The following ABHD12 variants were observed in gnomAD, a reference collection of about 807,000 sequenced individuals.
The protein encoded by ABHD12 is lysophosphatidylserine lipase ABHD12.
ABHD12 carries 43 observed loss-of-function variants against 58.3 expected under a neutral mutation model. That is an observed-to-expected ratio of 0.74 (90% CI 0.58 to 0.95). ABHD12 has a LOEUF of 0.95. ABHD12 is among the 40% of genes least tolerant of loss of function. The pLI is 0.00. For synonymous variants in ABHD12, 219 were observed against 211.2 expected (o/e 1.04, Z -0.32); for missense variants, 539 against 537.2 (o/e 1.00, Z -0.03).
intron 1 of ABHD12, among the ~76,000 whole-genome samples, chr20:25,386,412 C>T (rs1383571668): frequency 6.6e-6 from 1 of 151,146 alleles, no homozygotes; most frequent in East Asian, 2.0e-4. Context: ...GCGCCCGCCA[C>T]CACGCCTGGC....
intron 12 of ABHD12, among the ~76,000 whole-genome samples, chr20:25,301,368 A>G (rs2145914974): frequency 6.6e-6 from 1 of 152,308 alleles, no homozygotes; most frequent in Middle Eastern, 3.4e-3. Context: ...CAGGCCACCA[A>G]TTTCAGTCCC....
intron 1 of ABHD12, among the ~76,000 whole-genome samples, chr20:25,378,544 C>T (rs1269925687): frequency 6.6e-6 from 1 of 152,064 alleles, no homozygotes; most frequent in Non-Finnish European, 1.5e-5. Context: ...AAGTTAAAAG[C>T]CATATCTATT....
rs566681559 is a variant in ABHD12, at chr20:25,303,542, G to T, written c.1029+8C>A. On this transcript the variant is annotated splice_region_variant and intron_variant, in intron 11 of 12. Transcript: ENST00000339157. Reference sequence around the variant, plus strand: ...CCAGCTACACCAGAGGCAGAGGCCAGGACCCACCTTTCTGCCAAGCTGGAA... The same window carrying T: ...CCAGCTACACCAGAGGCAGAGGCCATGACCCACCTTTCTGCCAAGCTGGAA... 2 of 1,613,292 alleles carry T rather than the reference G, an allele frequency of 1.2e-6. No homozygotes were observed. The highest frequency in any genetic ancestry group is 1.7e-6 in the Non-Finnish European group (2 of 1,179,874).
chr20:25,349,602 G>A (rs1275466550), intron 1 of ABHD12, among the ~76,000 whole-genome samples: 1 of 152,186 alleles, frequency 6.6e-6, no homozygotes, highest in Non-Finnish European at 1.5e-5. Context: ...CTACAACATG[G>A]ATGAACTTTT....
At chr20:25,350,451 A>G (rs1415272138) in intron 1 of ABHD12, among the ~76,000 whole-genome samples, 1 of 152,188 alleles carries the variant, frequency 6.6e-6, no homozygotes, top group African/African-American at 2.4e-5. Flanking sequence ...AGTAAGTCTC[A>G]CAAGATCTGG....
At chr20:25,339,193 A>T (rs763271545) in intron 2 of ABHD12, 34 bp downstream of exon 2, 65 of 1,613,334 alleles carry the variant, frequency 4.0e-5, no homozygotes, top group Non-Finnish European at 4.7e-5. Context: ...AACCCTTACT[A>T]AAATTAAAGG....
At chr20:25,378,354 T>A (rs1206169086) in intron 1 of ABHD12, among the ~76,000 whole-genome samples, 1 of 152,032 alleles carries the variant, frequency 6.6e-6, no homozygotes, top group African/African-American at 2.4e-5. Context: ...TGGCACAACA[T>A]CTGGCAAACA....
chr20:25,309,744 G>A (rs577701004), intron 6 of ABHD12, among the ~76,000 whole-genome samples, 169 bp from the exon 7 acceptor site: 1 of 152,340 alleles, frequency 6.6e-6, no homozygotes, highest in South Asian at 2.1e-4. Flanking sequence ...AGCAAGCAGT[G>A]GGGAGAACGG....
rs375299452 is a variant in ABHD12, at chr20:25,320,288, G to A, written c.453C>T (p.Asn151=). ...WHTVPAVWWK[N]AQGKDQMWYE... ...ACCACATCTGGTCTTTGCCTTGGGC[G>A]TTCTTCCACCAGACTGCAGGGACGG... Residue 151 remains asparagine, a synonymous_variant, in exon 4 of 13, where the codon AAC becomes AAT. Transcript: ENST00000339157. The A allele has an allele frequency of 7.7e-5, 125 of 1,613,976 alleles. No individual in the cohort carries two copies. The highest frequency in any genetic ancestry group is 1.8e-4 in the South Asian group (16 of 91,096).
At chr20:25,324,094 G>C (rs1201583531) in intron 2 of ABHD12, among the ~76,000 whole-genome samples, 3 of 152,196 alleles carry the variant, frequency 2.0e-5, no homozygotes, top group African/African-American at 7.2e-5. Context: ...GCATCTACCA[G>C]GTCATCTGCC....
At chr20:25,355,607 G>A (rs2089657245) in intron 1 of ABHD12, among the ~76,000 whole-genome samples, 1 of 152,044 alleles carries the variant, frequency 6.6e-6, no homozygotes, top group African/African-American at 2.4e-5. Flanking sequence ...TCACCAGGCT[G>A]GAGTGCAGTG....
chr20:25,384,416 C>A (rs1268446677), intron 1 of ABHD12, among the ~76,000 whole-genome samples: 2 of 150,844 alleles, frequency 1.3e-5, no homozygotes, highest in African/African-American at 4.9e-5. Flanking sequence ...CACACACACA[C>A]AAGCACACAC....
intron 4 of ABHD12, 147 bp from the exon 5 acceptor site, chr20:25,317,225 G>A (rs1389199430): frequency 1.2e-5 from 8 of 686,002 alleles, no homozygotes; most frequent in South Asian, 6.1e-5. Context: ...CCCCACACTC[G>A]CCTCTGGCAG....
intron 1 of ABHD12, 37 bp downstream of exon 1, chr20:25,390,476 G>GCCCCCCCCCCCCCC (rs773039836): frequency 5.8e-5 from 60 of 1,034,756 alleles, no homozygotes; most frequent in East Asian, 3.9e-4. Context: ...GTGAGGGACC[G>GCCCCCCCCCCCCCC]GCCCCCCCCC....
intron 1 of ABHD12, among the ~76,000 whole-genome samples, chr20:25,369,030 G>A (rs1385654817): frequency 6.6e-6 from 1 of 152,072 alleles, no homozygotes; most frequent in African/African-American, 2.4e-5. Context: ...GGCTGAAGTG[G>A]GAAGACCGCT....
intron 2 of ABHD12, among the ~76,000 whole-genome samples, chr20:25,324,457 C>T (rs765953606): frequency 4.6e-5 from 7 of 152,150 alleles, no homozygotes; most frequent in Admixed American, 1.3e-4. Context: ...TTAAAATAAA[C>T]GCATGAACCC....
At chr20:25,305,018 A>AT (rs1299929560) in intron 10 of ABHD12, among the ~76,000 whole-genome samples, 15 of 151,924 alleles carry the variant, frequency 9.9e-5, no homozygotes, top group Non-Finnish European at 2.1e-4. Context: ...GATTACAGGC[A>AT]TGTGCCACCA....
chr20:25,296,511 C>T (rs752549869), downstream of ABHD12: 3 of 1,613,424 alleles, frequency 1.9e-6, no homozygotes, highest in South Asian at 3.3e-5. Context: ...CCCCAACATC[C>T]CCCGGGACTA....
At chr20:25,350,000 A>G (rs886493424) in intron 1 of ABHD12, among the ~76,000 whole-genome samples, 4 of 152,224 alleles carry the variant, frequency 2.6e-5, no homozygotes, top group African/African-American at 4.8e-5. Flanking sequence ...AGGAGCAAAC[A>G]TATCAGCTGC....
Sources: allele counts gnomAD v4.1 joint callset (sites outside exome capture counted in the v4.1 genomes callset), GRCh38; gene constraint gnomAD v4.1.1; transcripts MANE v1.5; gene names NCBI Gene and HGNC (gene_info 2026-07-23, HGNC 2026-07-21).